BCKDHB: variants seen among roughly 807,000 people sequenced by gnomAD.
The protein encoded by BCKDHB is 2-oxoisovalerate dehydrogenase subunit beta, mitochondrial.
Under a neutral mutation model 48.5 loss-of-function variants are expected in BCKDHB, and 41 were observed. The observed-to-expected ratio is 0.85, with a 90% CI of 0.66 to 1.10. BCKDHB has a LOEUF of 1.10. Among genes scored for constraint, BCKDHB ranks in the 50% least tolerant of loss-of-function variants. BCKDHB has a pLI of 0.00. For missense variants in BCKDHB, 496 were observed against 494.2 expected (o/e 1.00, Z -0.03); for synonymous variants, 201 against 174.8 (o/e 1.15, Z -1.18).
At chr6:80,210,679 G>A (rs1325467892) in intron 8 of BCKDHB, among the ~76,000 whole-genome samples, 2 of 152,056 alleles carry the variant, frequency 1.3e-5, no homozygotes, top group Non-Finnish European at 2.9e-5. Context: ...CAGGGAGAGA[G>A]AGCCTTGGTG....
intron 6 of BCKDHB, among the ~76,000 whole-genome samples, chr6:80,188,070 A>G (rs548612365): frequency 1.3e-5 from 2 of 152,324 alleles, no homozygotes; most frequent in South Asian, 4.1e-4. Flanking sequence ...AAGACGTAAA[A>G]TCAACCTAAA....
At chr6:80,316,389 T>C (rs1204697444) in intron 9 of BCKDHB, among the ~76,000 whole-genome samples, 1 of 152,188 alleles carries the variant, frequency 6.6e-6, no homozygotes, top group Non-Finnish European at 1.5e-5. Context: ...TTTTTATTTT[T>C]CAAAGCCTTT....
At chr6:80,361,956 G>T in the BCKDHB span, among the ~76,000 whole-genome samples, 1 of 152,038 alleles carries the variant, frequency 6.6e-6, no homozygotes, top group Non-Finnish European at 1.5e-5. Context: ...TAGAAAGAGT[G>T]GTCCTGGGAG....
At chr6:80,182,520 A>G (rs1055625411) in intron 6 of BCKDHB, among the ~76,000 whole-genome samples, 6 of 152,184 alleles carry the variant, frequency 3.9e-5, no homozygotes, top group South Asian at 4.1e-4. Flanking sequence ...AAATTTTAAT[A>G]CCATGAGTCA....
chr6:80,285,946 G>A (rs1014233222), intron 9 of BCKDHB, among the ~76,000 whole-genome samples: 1 of 151,694 alleles, frequency 6.6e-6, no homozygotes, highest in South Asian at 2.1e-4. Flanking sequence ...GTGTGTCTCT[G>A]TGTGTGTGTG....
the BCKDHB span, among the ~76,000 whole-genome samples, chr6:80,433,643 C>T: frequency 6.6e-6 from 1 of 152,140 alleles, no homozygotes; most frequent in Non-Finnish European, 1.5e-5. Context: ...GGCTCCCTGG[C>T]TTCAGCCCCC....
intron 6 of BCKDHB, among the ~76,000 whole-genome samples, chr6:80,200,289 T>G (rs1774328457): frequency 6.6e-6 from 1 of 152,076 alleles, no homozygotes; most frequent in African/African-American, 2.4e-5. Flanking sequence ...TAGTTTATCT[T>G]TTTGAGGTCT....
At chr6:80,250,155 C>A (rs1776777660) in intron 8 of BCKDHB, among the ~76,000 whole-genome samples, 1 of 152,130 alleles carries the variant, frequency 6.6e-6, no homozygotes, top group African/African-American at 2.4e-5. Flanking sequence ...GCCTCCCCAA[C>A]AGCCACTGCC....
At chr6:80,271,646 A>G (rs1169394483) in intron 8 of BCKDHB, among the ~76,000 whole-genome samples, 1 of 152,084 alleles carries the variant, frequency 6.6e-6, no homozygotes, top group Non-Finnish European at 1.5e-5. Context: ...TCAAAATTTA[A>G]GATGCACCAG....
In BCKDHB at chr6:80,147,121, ATTAACTCAC is replaced by A. The variant is rs575387599; in HGVS notation, c.343+17897_343+17905del. ...GCACTGTTCTTAGAACTTTACATAT[ATTAACTCAC>A]TTAATTCTCAACAATCCTGTAAAGT... On this transcript the variant is annotated intron_variant, in intron 3 of 9. Transcript: ENST00000320393. 2.5e-4 allele frequency among the ~76,000 whole-genome samples: 38 copies of A among 152,270 alleles called. No individual in the cohort carries two copies. The South Asian group carries it at 7.5e-3, about 30-fold the overall frequency.
the BCKDHB span, among the ~76,000 whole-genome samples, chr6:80,420,481 C>A: frequency 3.3e-5 from 5 of 152,176 alleles, no homozygotes; most frequent in Admixed American, 3.3e-4. Context: ...TAGAGCAGTG[C>A]CCTGAAATGT....
At chr6:80,450,583 C>T in the BCKDHB span, among the ~76,000 whole-genome samples, 1 of 152,100 alleles carries the variant, frequency 6.6e-6, no homozygotes, top group African/African-American at 2.4e-5. Context: ...AGAGGCACTC[C>T]CGTAATTTGG....
At chr6:80,375,825 C>A in the BCKDHB span, among the ~76,000 whole-genome samples, 45 of 152,266 alleles carry the variant, frequency 3.0e-4, 1 homozygote, top group South Asian at 6.4e-3. Context: ...TGTTCAGATT[C>A]TTTTTTCCCA....
At chr6:80,403,614 T>C in the BCKDHB span, among the ~76,000 whole-genome samples, 2 of 152,050 alleles carry the variant, frequency 1.3e-5, no homozygotes, top group Middle Eastern at 3.4e-3. Flanking sequence ...TCCAGTACCA[T>C]GTTGAATAGA....
At chr6:80,380,769 A>C in the BCKDHB span, among the ~76,000 whole-genome samples, 1 of 151,968 alleles carries the variant, frequency 6.6e-6, no homozygotes, top group Non-Finnish European at 1.5e-5. Flanking sequence ...AAAACTGGGC[A>C]AAGGAGATGA....
intron 9 of BCKDHB, among the ~76,000 whole-genome samples, chr6:80,341,265 T>G (rs1769889236): frequency 6.6e-6 from 1 of 152,200 alleles, no homozygotes; most frequent in Non-Finnish European, 1.5e-5. Context: ...AATCACAAAT[T>G]TATGTAACAT....
At chr6:80,456,203 G>A in the BCKDHB span, among the ~76,000 whole-genome samples, 2 of 150,192 alleles carry the variant, frequency 1.3e-5, no homozygotes, top group African/African-American at 4.9e-5. Context: ...GAACAAGAGC[G>A]AAACTCCATC....
intron 8 of BCKDHB, among the ~76,000 whole-genome samples, chr6:80,203,576 A>T (rs981483047): frequency 6.6e-6 from 1 of 152,112 alleles, no homozygotes; most frequent in Non-Finnish European, 1.5e-5. Flanking sequence ...TAATTTAGTC[A>T]GGTAAATTAA....
the BCKDHB span, among the ~76,000 whole-genome samples, chr6:80,408,202 G>A: frequency 6.6e-6 from 1 of 152,286 alleles, no homozygotes. Flanking sequence ...CAGGTATGAA[G>A]CTGAGTTGAT....
Sources: gnomAD v4.1 joint callset for allele counts (sites outside exome capture counted in the v4.1 genomes callset) on GRCh38, gnomAD v4.1.1 for gene constraint, MANE v1.5 for transcripts, NCBI Gene and HGNC (gene_info 2026-07-23, HGNC 2026-07-21) for gene names.